PCDHGA2: variants seen among roughly 807,000 people sequenced by gnomAD.
The protein encoded by PCDHGA2 is protocadherin gamma subfamily A, 2, also known as protocadherin gamma-A2.
Under a neutral mutation model 59.2 loss-of-function variants are expected in PCDHGA2, and 40 were observed. The observed-to-expected ratio is 0.68, with a 90% CI of 0.52 to 0.88. PCDHGA2 has a LOEUF of 0.88. Among genes scored for constraint, PCDHGA2 ranks in the 40% least tolerant of loss-of-function variants. The pLI is 0.00. For synonymous variants in PCDHGA2, 560 were observed against 526.0 expected (o/e 1.06, Z -0.89); for missense variants, 1,226 against 1,204.0 (o/e 1.02, Z -0.27).
At chr5:141,433,612 G>A (rs1181458593) in intron 1 of PCDHGA2, among the ~76,000 whole-genome samples, 1 of 152,082 alleles carries the variant, frequency 6.6e-6, no homozygotes, top group Non-Finnish European at 1.5e-5. Context: ...GAGGCGGGTG[G>A]ATCACCTGAG....
intron 1 of PCDHGA2, among the ~76,000 whole-genome samples, chr5:141,429,706 T>G (rs191069331): frequency 7.6e-4 from 116 of 152,354 alleles, no homozygotes; most frequent in African/African-American, 2.5e-3. Flanking sequence ...ACAGTATAAA[T>G]ATTTACGCTC....
intron 1 of PCDHGA2, chr5:141,442,535 A>C (rs2098331560): frequency 6.6e-6 from 1 of 152,240 alleles, no homozygotes; most frequent in Non-Finnish European, 1.5e-5. Flanking sequence ...CTCCAAGGTG[A>C]AAAATTCTTG....
chr5:141,390,130 C>T lies in PCDHGA2; in HGVS notation c.2424+48735C>T. On this transcript the variant is annotated intron_variant, in intron 1 of 3. Coordinates refer to ENST00000394576, the MANE Select transcript of PCDHGA2 (RefSeq NM_018915.4). Reference sequence around the variant, plus strand: ...TACAGCGAGGGGACTTTGCCTTATTCCTACAATCTATGTGTTGCACATACA... The same window carrying T: ...TACAGCGAGGGGACTTTGCCTTATTTCTACAATCTATGTGTTGCACATACA... 6.2e-7 allele frequency: 1 copy of T among 1,614,034 alleles called. No individual in the cohort carries two copies. Among genetic ancestry groups the T allele is most frequent in the Non-Finnish European group, 8.5e-7 (1 of 1,179,898 alleles).
Position 141,431,354 on chromosome 5 carries a change from G to A in PCDHGA2, c.2425-63453G>A, listed in dbSNP as rs777198567. On this transcript the variant is annotated intron_variant, in intron 1 of 3. Coordinates refer to ENST00000394576, the MANE Select transcript of PCDHGA2 (RefSeq NM_018915.4). This position sits in a 1 kb window ranked among gnomAD's most constrained non-coding sequence, Gnocchi z 4.8. ...GTACCCCGAATTGGTGCTGAAACGC[G>A]CCCTGGACCGCGAAGAAAAGGCTGC... is the stretch of plus-strand genomic sequence containing the variant. 1 of 1,614,036 alleles carries A rather than the reference G, an allele frequency of 6.2e-7. No homozygotes were observed. Among genetic ancestry groups the A allele is most frequent in the South Asian group, 1.1e-5 (1 of 91,086 alleles).
intron 1 of PCDHGA2, chr5:141,383,457 C>T (rs1270613288): frequency 2.5e-6 from 4 of 1,613,734 alleles, no homozygotes; most frequent in Non-Finnish European, 3.4e-6. Flanking sequence ...AAAGTGGAGA[C>T]GATGAAACTA....
At chr5:141,394,681 C>G in intron 1 of PCDHGA2, 2 of 1,612,998 alleles carry the variant, frequency 1.2e-6, no homozygotes, top group Non-Finnish European at 1.7e-6. Context: ...GGTCTGCACA[C>G]GGGCGAGGTG....
rs1474643025 is a variant in PCDHGA2 at position 141,370,777 on chromosome 5, AC to A, written c.2424+29383del. 10 of 1,613,896 alleles carry A rather than the reference AC, an allele frequency of 6.2e-6. No homozygotes were observed. The African/African-American group carries it at 1.2e-4, about 19-fold the overall frequency. ...ACTGTGCTGATCCAGGATATTAACG[AC>A]AACCCACCGACCTTTAGCCAAAATA... On this transcript the variant is annotated intron_variant, in intron 1 of 3. Transcript: ENST00000394576.
At position 141,497,103 on chromosome 5, in the gene PCDHGA2, T is replaced by C. The variant is rs182534106; in HGVS notation, c.2483+2238T>C. On this transcript the variant is annotated intron_variant, in intron 2 of 3. Transcript: ENST00000394576. ...ACTTAGGAGGCTGAGGCAGAACTGC[T>C]TGAACCCGGAAGGCAGAGGTTGCAG... Among the ~76,000 whole-genome samples, 34 of 152,160 alleles carry C rather than the reference T, an allele frequency of 2.2e-4. 1 individual carries two copies. Among genetic ancestry groups the C allele is most frequent in the Admixed American group, 6.6e-4 (10 of 15,264 alleles).
chr5:141,489,268 G>C lies in PCDHGA2; in HGVS notation c.2425-5539G>C. 6.4e-7 allele frequency: 1 copy of C among 1,553,286 alleles called. No individual in the cohort carries two copies. The highest frequency in any genetic ancestry group is 8.7e-7 in the Non-Finnish European group (1 of 1,149,780). ...GGGGCCCAAGACACTCCCACAGCTC[G>C]CTGGGAAATGGCAAGTGCTGTGCAT... On this transcript the variant is annotated intron_variant, in intron 1 of 3. Transcript: ENST00000394576. The surrounding 1 kb of genome is among the most constrained non-coding windows in gnomAD (Gnocchi z 4.5).
chr5:141,457,959 T>C (rs1426112930), intron 1 of PCDHGA2, among the ~76,000 whole-genome samples: 3 of 152,208 alleles, frequency 2.0e-5, no homozygotes, highest in Admixed American at 2.0e-4. Flanking sequence ...CAAGCTTGAT[T>C]CCTTAAAGGG....
chr5:141,433,397 A>ATCTG (rs1179042498), intron 1 of PCDHGA2, among the ~76,000 whole-genome samples: 9 of 150,410 alleles, frequency 6.0e-5, no homozygotes, highest in Non-Finnish European at 1.0e-4. Context: ...CTATCTATCT[A>ATCTG]TCTATCTATT....
At chr5:141,510,028 C>A (rs962629835) in intron 3 of PCDHGA2, among the ~76,000 whole-genome samples, 1 of 152,164 alleles carries the variant, frequency 6.6e-6, no homozygotes, top group Non-Finnish European at 1.5e-5. Context: ...GCTGGCTGGG[C>A]TGTTATGTAG....
At position 141,339,985 on chromosome 5, in the gene PCDHGA2, G is replaced by T. The variant is rs201049645; in HGVS notation, c.1014G>T (p.Leu338=). The T allele has an allele frequency of 1.2e-4, 188 of 1,614,026 alleles. No homozygotes were observed. The highest frequency in any genetic ancestry group is 1.3e-4 in the Non-Finnish European group (150 of 1,180,006). ...GAGCGAAGGTTATCGTCACGGTTCT[G>T]GATGTGAATGACAATGCCCCAGAAT... is the stretch of plus-strand genomic sequence containing the variant. ...LTRAKVIVTV[L]DVNDNAPEFY... Residue 338 remains leucine, a synonymous_variant, in exon 1 of 4, where the codon CTG becomes CTT. Coordinates refer to ENST00000394576, the MANE Select transcript of PCDHGA2 (RefSeq NM_018915.4).
At chr5:141,455,920 C>T (rs941360102) in intron 1 of PCDHGA2, among the ~76,000 whole-genome samples, 1 of 147,944 alleles carries the variant, frequency 6.8e-6, no homozygotes, top group Non-Finnish European at 1.5e-5. Context: ...TATTTTGAGA[C>T]GGAGTCTCGC....
At chr5:141,361,650 G>T in intron 1 of PCDHGA2, 1 of 1,613,772 alleles carries the variant, frequency 6.2e-7, no homozygotes, top group Non-Finnish European at 8.5e-7. Context: ...TATCCTACGT[G>T]TCCGTGAGCG....
intron 1 of PCDHGA2, chr5:141,366,049 G>A (rs542025009): frequency 1.9e-6 from 3 of 1,614,244 alleles, no homozygotes; most frequent in Non-Finnish European, 8.5e-7. Flanking sequence ...ACGGTTCCAC[G>A]GGCGTGGAGC....
chr5:141,408,313 T>C, intron 1 of PCDHGA2: 1 of 1,613,758 alleles, frequency 6.2e-7, no homozygotes, highest in South Asian at 1.1e-5. Context: ...GCTACTCGAT[T>C]CCGGAGGAGC....
chr5:141,391,756 TAGTA>T (rs1440223357), intron 1 of PCDHGA2: 2 of 152,192 alleles, frequency 1.3e-5, no homozygotes, highest in African/African-American at 2.4e-5. Flanking sequence ...TTTGGCTTCT[TAGTA>T]AGTATTATAT....
At chr5:141,343,724 T>C in intron 1 of PCDHGA2, 1 of 247,334 alleles carries the variant, frequency 4.0e-6, no homozygotes, top group Non-Finnish European at 7.6e-6. Flanking sequence ...AGATCTTGGA[T>C]AATTCAAAAA....
Sources: gnomAD v4.1 joint callset for allele counts (sites outside exome capture counted in the v4.1 genomes callset) on GRCh38, gnomAD v4.1.1 for gene constraint, Gnocchi (gnomAD v3.1) non-coding constraint, MANE v1.5 for transcripts, NCBI Gene and HGNC (gene_info 2026-07-23, HGNC 2026-07-21) for gene names.